Variants in PPP2R2A observed in about 807,000 individuals in gnomAD.
The protein encoded by PPP2R2A is protein phosphatase 2 regulatory subunit Balpha, also known as serine/threonine-protein phosphatase 2A 55 kDa regulatory subunit B alpha isoform.
Under a neutral mutation model 53.2 loss-of-function variants are expected in PPP2R2A, and 9 were observed. The observed-to-expected ratio is 0.17, with a 90% CI of 0.10 to 0.30. The LOEUF is 0.30. Ranked by LOEUF, PPP2R2A falls within the 10% of genes least tolerant of loss-of-function variation. The pLI, the probability that PPP2R2A is intolerant of heterozygous loss-of-function variation, is 1.00. For missense variants in PPP2R2A, 235 were observed against 534.6 expected (o/e 0.44, Z 5.53); for synonymous variants, 169 against 174.2 (o/e 0.97, Z 0.23).
At chr8:26,330,914 G>A (rs1803336338) in intron 2 of PPP2R2A, among the ~76,000 whole-genome samples, 1 of 152,144 alleles carries the variant, frequency 6.6e-6, no homozygotes, top group African/African-American at 2.4e-5. Flanking sequence ...AACTTTGTTA[G>A]GACAAGTTTA....
chr8:26,316,043 T>G (rs1802537034), intron 2 of PPP2R2A, among the ~76,000 whole-genome samples: 1 of 152,092 alleles, frequency 6.6e-6, no homozygotes, highest in South Asian at 2.1e-4. Flanking sequence ...TCACTGTTGT[T>G]GCCCAGGCTG....
rs772491125 is a variant in PPP2R2A, at chr8:26,360,132, T to G, written c.347-37T>G. 52 of 1,172,644 alleles carry G rather than the reference T, an allele frequency of 4.4e-5. No homozygotes were observed. The highest frequency in any genetic ancestry group is 5.6e-5 in the Non-Finnish European group (45 of 802,756). 72.6% of individuals were successfully genotyped at this position (1,172,644 alleles called of 1,614,324 possible). A position where few individuals can be genotyped will look rare whatever the true frequency, so the allele number is the denominator to read the frequency against. ...AAATGCCTTAAAATGTTTTTCTTCT[T>G]CAGTATTTTAAGGACTTTTCTTTAT... On this transcript the variant is annotated intron_variant, in intron 4 of 9. Coordinates refer to ENST00000380737, the MANE Select transcript of PPP2R2A (RefSeq NM_002717.4). The surrounding 1 kb of genome is among the most constrained non-coding windows in gnomAD (Gnocchi z 4.5).
intron 2 of PPP2R2A, among the ~76,000 whole-genome samples, chr8:26,306,475 G>GAAA (rs35167661): frequency 9.2e-6 from 1 of 108,270 alleles, no homozygotes; most frequent in African/African-American, 3.5e-5. Flanking sequence ...GACTCTGTCT[G>GAAA]AAAAAAAAAA....
intron 2 of PPP2R2A, among the ~76,000 whole-genome samples, chr8:26,329,244 T>C (rs1803245714): frequency 6.6e-6 from 1 of 152,214 alleles, no homozygotes; most frequent in Non-Finnish European, 1.5e-5. Context: ...TCTGTGACTC[T>C]TAATTGCATA....
At chr8:26,351,840 T>G (rs1207920514) in intron 3 of PPP2R2A, among the ~76,000 whole-genome samples, 1 of 152,192 alleles carries the variant, frequency 6.6e-6, no homozygotes, top group Non-Finnish European at 1.5e-5. Flanking sequence ...ATGATGTCCT[T>G]TAGTGAATTC....
chr8:26,299,357 G>A (rs536696438), intron 2 of PPP2R2A, among the ~76,000 whole-genome samples: 83 of 151,886 alleles, frequency 5.5e-4, no homozygotes, highest in Non-Finnish European at 9.9e-4. Context: ...AATATCAGAT[G>A]TTATTAAATA....
chr8:26,350,408 G>A (rs1804433556), intron 3 of PPP2R2A, among the ~76,000 whole-genome samples: 1 of 152,010 alleles, frequency 6.6e-6, no homozygotes, highest in Non-Finnish European at 1.5e-5. Context: ...TAGTTGTTGT[G>A]TTGTTTTGAG....
intron 8 of PPP2R2A, 122 bp downstream of exon 8, chr8:26,364,012 C>T: frequency 1.2e-6 from 1 of 813,404 alleles, no homozygotes; most frequent in Non-Finnish European, 1.8e-6. Context: ...GGCCTTTTCC[C>T]TCAGAGATCT....
intron 2 of PPP2R2A, among the ~76,000 whole-genome samples, chr8:26,311,848 T>C (rs1802306318): frequency 6.6e-6 from 1 of 152,104 alleles, no homozygotes; most frequent in Non-Finnish European, 1.5e-5. Context: ...GGGGTGCACC[T>C]AGAACATGCA....
intron 2 of PPP2R2A, among the ~76,000 whole-genome samples, chr8:26,303,870 G>T (rs990240172): frequency 2.0e-5 from 3 of 152,218 alleles, no homozygotes; most frequent in Non-Finnish European, 4.4e-5. Flanking sequence ...TCCTTGGCAA[G>T]TCGTTGAATA....
At position 26,370,459 on chromosome 8, in the gene PPP2R2A, T is replaced by C. The variant is rs1352957350; in HGVS notation, c.*46T>C. On this transcript the variant is annotated 3_prime_UTR_variant, in exon 10 of 10. Transcript: ENST00000380737. The surrounding 1 kb of genome is among the most constrained non-coding windows in gnomAD (Gnocchi z 6.1). ...GAACCCACTTCCTGCTTAGTTGAGA[T>C]AGTTGAATCTAGCATTCGTTCCTAT... 1.9e-6 allele frequency: 3 copies of C among 1,583,064 alleles called. No individual in the cohort carries two copies. The highest frequency in any genetic ancestry group is 1.4e-5 in the African/African-American group (1 of 73,912).
intron 2 of PPP2R2A, among the ~76,000 whole-genome samples, chr8:26,302,063 G>A (rs1177798666): frequency 6.6e-6 from 1 of 152,218 alleles, no homozygotes; most frequent in Non-Finnish European, 1.5e-5. Context: ...ACTTCTGCAA[G>A]GGGGTAAAGT....
In PPP2R2A at chr8:26,313,786, A is replaced by G. The variant is rs374007354; in HGVS notation, c.82+20046A>G. Among the ~76,000 whole-genome samples the G allele has an allele frequency of 3.5e-4, 53 of 152,346 alleles. No individual in the cohort carries two copies. The East Asian group carries it at 9.8e-3, about 28-fold the overall frequency. On this transcript the variant is annotated intron_variant, in intron 2 of 9. Transcript: ENST00000380737. Reference sequence around the variant, plus strand: ...TGGCCTCCAGAAGCGAGGAAAGGCAAGAAAATGGATTCTCCCCTTAAAGCT... The same window carrying G: ...TGGCCTCCAGAAGCGAGGAAAGGCAGGAAAATGGATTCTCCCCTTAAAGCT...
intron 3 of PPP2R2A, chr8:26,350,462 C>CGCTT: frequency 6.6e-6 from 1 of 152,272 alleles, no homozygotes; most frequent in South Asian, 2.1e-4. Flanking sequence ...TGCAGTGGTG[C>CGCTT]GCTTACAGCT....
At chr8:26,369,683 C>T (rs1014128695) in intron 9 of PPP2R2A, among the ~76,000 whole-genome samples, 2 of 152,266 alleles carry the variant, frequency 1.3e-5, no homozygotes, top group South Asian at 2.1e-4. Context: ...TGAGCCACTG[C>T]GCCCGGCCCA....
chr8:26,339,346 A>T (rs1803824026), intron 3 of PPP2R2A, among the ~76,000 whole-genome samples: 1 of 152,146 alleles, frequency 6.6e-6, no homozygotes. Flanking sequence ...CTTCTTCTCA[A>T]TGCTTGGTTT....
At chr8:26,344,669 A>G (rs1804119956) in intron 3 of PPP2R2A, among the ~76,000 whole-genome samples, 1 of 152,186 alleles carries the variant, frequency 6.6e-6, no homozygotes, top group Non-Finnish European at 1.5e-5. Flanking sequence ...CCAGACTGCC[A>G]TCAGATTCTT....
At position 26,362,619 on chromosome 8, in the gene PPP2R2A, G is replaced by A; in HGVS notation, c.638-65G>A. 6.7e-7 allele frequency: 1 copy of A among 1,499,772 alleles called. No individual in the cohort carries two copies. Among genetic ancestry groups the A allele is most frequent in the South Asian group, 1.2e-5 (1 of 84,320 alleles). 92.9% of individuals were successfully genotyped at this position (1,499,772 alleles called of 1,614,324 possible). A position where few individuals can be genotyped will look rare whatever the true frequency, so the allele number is the denominator to read the frequency against. On this transcript the variant is annotated intron_variant, in intron 6 of 9. Coordinates refer to ENST00000380737, the MANE Select transcript of PPP2R2A (RefSeq NM_002717.4). This position sits in a 1 kb window ranked among gnomAD's most constrained non-coding sequence, Gnocchi z 4.4. ...AGGTCCATGAATGGGTTTTAGGTTT[G>A]AGAAATGTAGAATTATATTTGCCCT...
chr8:26,346,172 A>G (rs6990791), intron 3 of PPP2R2A, among the ~76,000 whole-genome samples: 112,942 of 151,060 alleles, frequency 0.75, 42,638 homozygotes, highest in East Asian at 0.88. Flanking sequence ...ACAGAGTCTC[A>G]CTCTGTCACC....
Sources: allele counts gnomAD v4.1 joint callset (sites outside exome capture counted in the v4.1 genomes callset), GRCh38; gene constraint gnomAD v4.1.1; non-coding constraint Gnocchi (gnomAD v3.1); transcripts MANE v1.5; gene names NCBI Gene and HGNC (gene_info 2026-07-23, HGNC 2026-07-21).